Variants in CHMP4B observed in about 807,000 individuals in gnomAD.
CHMP4B encodes SNF7 homolog associated with Alix 1.
CHMP4B carries 1 observed loss-of-function variant against 25.1 expected under a neutral mutation model. The ratio of observed to expected loss-of-function variants is 0.04; its 90% CI spans 0.01 to 0.19. The LOEUF (loss-of-function observed/expected upper bound fraction) is 0.19. CHMP4B is among the 10% of genes least tolerant of loss of function. CHMP4B has a pLI of 1.00. For synonymous variants in CHMP4B, 101 were observed against 115.6 expected (o/e 0.87, Z 0.81); for missense variants, 151 against 289.7 (o/e 0.52, Z 3.48).
chr20:33,850,392 A>G (rs1979813664), intron 2 of CHMP4B, among the ~76,000 whole-genome samples: 1 of 152,214 alleles, frequency 6.6e-6, no homozygotes, highest in South Asian at 2.1e-4. Context: ...GCAGCTCATT[A>G]AATACTGTGC....
At chr20:33,832,492 T>A (rs183429281) in intron 1 of CHMP4B, among the ~76,000 whole-genome samples, 63 of 152,326 alleles carry the variant, frequency 4.1e-4, no homozygotes, top group Admixed American at 3.6e-3. Context: ...ATTTGCTTTT[T>A]AAAATATAAC....
In CHMP4B at chr20:33,853,619, G is replaced by C; in HGVS notation, c.*59G>C. ...GTGGTGGCCTGCGCAGCGAGCAGGCGTGTGCGTGTGTGGGGCAGGCAGGAT... is the reference window on the plus strand; with the variant it reads ...GTGGTGGCCTGCGCAGCGAGCAGGCCTGTGCGTGTGTGGGGCAGGCAGGAT... On this transcript the variant is annotated 3_prime_UTR_variant, in exon 5 of 5. Transcript: ENST00000217402. 7.0e-7 allele frequency: 1 copy of C among 1,432,236 alleles called. No homozygotes were observed. Among genetic ancestry groups the C allele is most frequent in the Non-Finnish European group, 9.9e-7 (1 of 1,014,712 alleles). The allele number at this position is 1,432,236 out of a possible 1,614,324, so 88.7% of individuals were successfully genotyped here.
intron 1 of CHMP4B, among the ~76,000 whole-genome samples, chr20:33,838,841 T>G (rs1979458464): frequency 6.6e-6 from 1 of 152,046 alleles, no homozygotes; most frequent in African/African-American, 2.4e-5. Context: ...TGAAACCCCT[T>G]CTCTTCCTGA....
intron 1 of CHMP4B, among the ~76,000 whole-genome samples, chr20:33,813,983 G>A (rs551271180): frequency 1.4e-4 from 22 of 152,128 alleles, no homozygotes; most frequent in South Asian, 4.1e-4. Flanking sequence ...TGCCTGCCTC[G>A]GCCTCCCAAA....
intron 1 of CHMP4B, among the ~76,000 whole-genome samples, chr20:33,843,520 G>A (rs1010421663): frequency 6.6e-6 from 1 of 152,024 alleles, no homozygotes; most frequent in Non-Finnish European, 1.5e-5. Flanking sequence ...CTTTAACTCG[G>A]TACTTGTTTT....
At chr20:33,818,431 C>G (rs1978840018) in intron 1 of CHMP4B, among the ~76,000 whole-genome samples, 1 of 152,268 alleles carries the variant, frequency 6.6e-6, no homozygotes, top group Admixed American at 6.5e-5. Flanking sequence ...TGATTAACCT[C>G]TGATTGAACC....
chr20:33,821,804 TC>T (rs1267786927), intron 1 of CHMP4B, among the ~76,000 whole-genome samples: 1 of 152,070 alleles, frequency 6.6e-6, no homozygotes, highest in Non-Finnish European at 1.5e-5. Flanking sequence ...ATTGCTATTT[TC>T]TTTCTTTTCT....
intron 1 of CHMP4B, among the ~76,000 whole-genome samples, chr20:33,841,564 G>C (rs767206366): frequency 2.0e-5 from 3 of 152,186 alleles, no homozygotes; most frequent in African/African-American, 4.8e-5. Context: ...TTTGGTTTCT[G>C]ATAACTTTCT....
intron 1 of CHMP4B, among the ~76,000 whole-genome samples, chr20:33,840,160 T>C (rs1361162073): frequency 6.6e-6 from 1 of 151,642 alleles, no homozygotes; most frequent in Non-Finnish European, 1.5e-5. Context: ...GCAGGAGAAT[T>C]ACTTGAACCC....
In CHMP4B at chr20:33,818,334, G is replaced by A. The variant is rs527622234; in HGVS notation, c.190+6676G>A. ...GTGTTAGAGGAAAATACAGCAGGAA[G>A]AGTTTAATTCATCTCTGAGGTTGCA... On this transcript the variant is annotated intron_variant, in intron 1 of 4. Transcript: ENST00000217402. 3.3e-5 allele frequency among the ~76,000 whole-genome samples: 5 copies of A among 152,364 alleles called. No homozygotes were observed. In the South Asian group the frequency reaches 1.0e-3, roughly 32 times the overall value.
intron 1 of CHMP4B, among the ~76,000 whole-genome samples, chr20:33,823,286 A>AG (rs1275186481): frequency 6.6e-6 from 1 of 152,112 alleles, no homozygotes; most frequent in African/African-American, 2.4e-5. Flanking sequence ...GAGATGAGAA[A>AG]GTCGAGGTTC....
At chr20:33,851,614 T>A (rs1979852022) in intron 3 of CHMP4B, among the ~76,000 whole-genome samples, 1 of 152,148 alleles carries the variant, frequency 6.6e-6, no homozygotes, top group South Asian at 2.1e-4. Context: ...GTTAGGTCCT[T>A]TCTGCTGGAC....
At chr20:33,835,561 T>C (rs779343103) in intron 1 of CHMP4B, among the ~76,000 whole-genome samples, 1 of 152,252 alleles carries the variant, frequency 6.6e-6, no homozygotes, top group Admixed American at 6.5e-5. Context: ...TTTATTGCTA[T>C]TCAAGTTTAC....
chr20:33,841,717 C>G (rs752884307), intron 1 of CHMP4B, among the ~76,000 whole-genome samples: 1 of 152,158 alleles, frequency 6.6e-6, no homozygotes, highest in Non-Finnish European at 1.5e-5. Context: ...GCACCTCTTT[C>G]CCATTCTTTT....
intron 1 of CHMP4B, among the ~76,000 whole-genome samples, chr20:33,845,462 A>G (rs1979662649): frequency 6.6e-6 from 1 of 151,972 alleles, no homozygotes; most frequent in African/African-American, 2.4e-5. Context: ...AGCTGGGACT[A>G]CAGGTGCGCG....
intron 1 of CHMP4B, among the ~76,000 whole-genome samples, chr20:33,840,810 G>A (rs559992607): frequency 1.3e-5 from 2 of 152,292 alleles, no homozygotes; most frequent in East Asian, 3.9e-4. Flanking sequence ...TACATGTCAT[G>A]CCCTGTGCCA....
At chr20:33,848,741 C>T (rs1415271847) in intron 2 of CHMP4B, 97 bp downstream of exon 2, 2 of 1,259,544 alleles carry the variant, frequency 1.6e-6, no homozygotes, top group Non-Finnish European at 1.1e-6. Context: ...CCTTGACTTA[C>T]CTATTCGAGC....
In CHMP4B at chr20:33,817,668, G is replaced by A. The variant is rs376061669; in HGVS notation, c.190+6010G>A. Among the ~76,000 whole-genome samples, 14 of 152,310 alleles carry A rather than the reference G, an allele frequency of 9.2e-5. No homozygotes were observed. The East Asian group carries it at 1.2e-3, about 13-fold the overall frequency. On this transcript the variant is annotated intron_variant, in intron 1 of 4. Coordinates refer to ENST00000217402, the MANE Select transcript of CHMP4B (RefSeq NM_176812.5). Reference sequence around the variant, plus strand: ...CCAGGAGGAGGGGCAGAGCTCTTGGGGCCTTGAGGAATTTCTTATGAAAAC... The same window carrying A: ...CCAGGAGGAGGGGCAGAGCTCTTGGAGCCTTGAGGAATTTCTTATGAAAAC...
chr20:33,811,461 C>T lies in CHMP4B; in HGVS notation c.-8C>T. The T allele has an allele frequency of 6.5e-7, 1 of 1,528,114 alleles. No homozygotes were observed. The highest frequency in any genetic ancestry group is 1.2e-5 in the South Asian group (1 of 82,094). 94.7% of individuals were successfully genotyped at this position (1,528,114 alleles called of 1,614,324 possible). ...GGGCGGCGAAGGCCGGCGCGGCGAG[C>T]AGCAACCATGTCGGTGTTCGGGAAG... On this transcript the variant is annotated 5_prime_UTR_variant, in exon 1 of 5. Coordinates refer to ENST00000217402, the MANE Select transcript of CHMP4B (RefSeq NM_176812.5).
Sources: allele counts gnomAD v4.1 joint callset (sites outside exome capture counted in the v4.1 genomes callset), GRCh38; gene constraint gnomAD v4.1.1; transcripts MANE v1.5; gene names NCBI Gene and HGNC (gene_info 2026-07-23, HGNC 2026-07-21).